The following CALU variants were observed in gnomAD, a reference collection of about 807,000 sequenced individuals.
The protein encoded by CALU is IEF SSP 9302.
A neutral mutation model predicts 37.5 loss-of-function variants in CALU; 13 were observed. The observed-to-expected ratio is 0.35, with a 90% confidence interval of 0.23 to 0.55. The LOEUF (loss-of-function observed/expected upper bound fraction) is 0.55, where lower values mean the gene tolerates loss of function less well. Ranked by LOEUF, CALU falls within the 20% of genes least tolerant of loss-of-function variation. The pLI is 0.89. For synonymous variants in CALU, 114 were observed against 133.8 expected, an observed-to-expected ratio of 0.85 and a Z score of 1.02; for missense variants, 282 against 391.7, an observed-to-expected ratio of 0.72 and a Z score of 2.36.
At chr7:128,748,027 T>TTG (rs1206095965) in intron 1 of CALU, 1 of 210,144 alleles carries the variant, frequency 4.8e-6, no homozygotes, top group Non-Finnish European at 9.4e-6. Context: ...AGCTGCCAAG[T>TTG]ATTTCGCTGG....
chr7:128,754,716 T>TA (rs1201617375), intron 3 of CALU: 37 of 1,548,814 alleles, frequency 2.4e-5, no homozygotes, highest in Non-Finnish European at 3.2e-5. Flanking sequence ...TTATGGCACT[T>TA]ACCTGGGTAA....
At chr7:128,750,235 AAAAAAG>A (rs61535354) in intron 2 of CALU, among the ~76,000 whole-genome samples, 34,023 of 141,856 alleles carry the variant, frequency 0.24, 4,500 homozygotes, top group Non-Finnish European at 0.34. Context: ...AAAAAAAAAA[AAAAAAG>A]AAAATAGAAA....
At chr7:128,767,769 G>A (rs1801393096) in intron 6 of CALU, 114 bp downstream of exon 6, 1 of 805,778 alleles carries the variant, frequency 1.2e-6, no homozygotes. Context: ...ATTAGTCTAA[G>A]TCAGCCAAGT....
intron 1 of CALU, among the ~76,000 whole-genome samples, chr7:128,746,347 A>G (rs1458815387): frequency 6.6e-6 from 1 of 151,902 alleles, no homozygotes; most frequent in Admixed American, 6.6e-5. Flanking sequence ...TAGTAGAGAC[A>G]GGGTTTCACC....
At chr7:128,754,740 A>T in intron 3 of CALU, 1 of 1,520,284 alleles carries the variant, frequency 6.6e-7, no homozygotes, top group South Asian at 1.2e-5. Context: ...GCAAGATGTC[A>T]GCCTGGCAGG....
chr7:128,758,802 T>G, intron 3 of CALU, 69 bp from the exon 4 acceptor site: 1 of 1,078,656 alleles, frequency 9.3e-7, no homozygotes, highest in Non-Finnish European at 1.4e-6. Flanking sequence ...GGAAATTGAT[T>G]TCCCACCCCA....
intron 1 of CALU, among the ~76,000 whole-genome samples, chr7:128,745,926 C>G (rs1800414743): frequency 6.6e-6 from 1 of 152,160 alleles, no homozygotes. Context: ...TGTCTCTTCT[C>G]CCATGAACCT....
At chr7:128,766,376 T>G (rs1177514852) in intron 5 of CALU, among the ~76,000 whole-genome samples, 3 of 152,016 alleles carry the variant, frequency 2.0e-5, no homozygotes, top group Non-Finnish European at 4.4e-5. Flanking sequence ...ATTTATTCAT[T>G]TTTTTTCAGG....
chr7:128,750,196 C>G (rs1176856303), intron 2 of CALU, among the ~76,000 whole-genome samples: 1 of 147,204 alleles, frequency 6.8e-6, no homozygotes, highest in Admixed American at 6.9e-5. Flanking sequence ...CCACTGCACT[C>G]CAGCCTGGGC....
chr7:128,743,762 C>T (rs1181831820), intron 1 of CALU, among the ~76,000 whole-genome samples: 1 of 152,090 alleles, frequency 6.6e-6, no homozygotes, highest in Non-Finnish European at 1.5e-5. Flanking sequence ...CCTTGGCCCT[C>T]CAAAGTGCTG....
At chr7:128,766,412 A>G (rs1006620893) in intron 5 of CALU, among the ~76,000 whole-genome samples, 1 of 143,468 alleles carries the variant, frequency 7.0e-6, no homozygotes. Context: ...GACTGACACT[A>G]GTATTTCTTT....
At chr7:128,761,953 T>C (rs534369545) in intron 5 of CALU, among the ~76,000 whole-genome samples, 4 of 152,354 alleles carry the variant, frequency 2.6e-5, no homozygotes, top group Non-Finnish European at 1.5e-5. Context: ...CTTGACTGTT[T>C]ACCTCCCTTT....
intron 5 of CALU, chr7:128,761,451 A>C (rs1801113763): frequency 6.6e-6 from 1 of 152,158 alleles, no homozygotes; most frequent in African/African-American, 2.4e-5. Flanking sequence ...ACCTCCTGGG[A>C]GCAGAGGATC....
Position 128,772,955 on chromosome 7 carries a change from G to A in CALU, c.*3788G>A, listed in dbSNP as rs545326925. Among the ~76,000 whole-genome samples, 10 of 152,298 alleles carry A rather than the reference G, an allele frequency of 6.6e-5. No individual in the cohort carries two copies. The East Asian group carries it at 1.5e-3, about 24-fold the overall frequency. On this transcript the variant is annotated 3_prime_UTR_variant, in exon 7 of 7. Transcript: ENST00000249364. The stretch of plus-strand genomic sequence containing the variant: ...AGAGGCCCCTCCATTACTAGCAGGT[G>A]CTCCCAGCTGGAAAGGACTGCCAAT...
chr7:128,756,604 G>A (rs1362204124), intron 3 of CALU, among the ~76,000 whole-genome samples: 1 of 152,080 alleles, frequency 6.6e-6, no homozygotes, highest in Non-Finnish European at 1.5e-5. Flanking sequence ...ATGAGAGAAA[G>A]GTTAACACTG....
At chr7:128,754,864 T>C (rs1024762776) in intron 3 of CALU, 6 of 431,208 alleles carry the variant, frequency 1.4e-5, no homozygotes, top group African/African-American at 1.2e-4. Flanking sequence ...TTTAAATTTG[T>C]ATATTATGTA....
At chr7:128,767,201 C>T (rs1801369833) in intron 5 of CALU, among the ~76,000 whole-genome samples, 4 of 152,240 alleles carry the variant, frequency 2.6e-5, no homozygotes, top group African/African-American at 9.6e-5. Context: ...CTTATTTCTG[C>T]ATTTATTAAG....
intron 2 of CALU, among the ~76,000 whole-genome samples, chr7:128,752,746 G>A (rs886586597): frequency 2.6e-5 from 4 of 152,094 alleles, no homozygotes; most frequent in Admixed American, 1.3e-4. Flanking sequence ...GTGCAGTGGC[G>A]CGATCTCAAC....
At chr7:128,754,137 G>T in intron 2 of CALU, 125 bp from the exon 3 acceptor site, 5 of 687,968 alleles carry the variant, frequency 7.3e-6, no homozygotes, top group Admixed American at 3.0e-5. Flanking sequence ...TCAGTTGCTG[G>T]CCTGGCAGTT....
Sources: gnomAD v4.1 joint callset for allele counts (sites outside exome capture counted in the v4.1 genomes callset) on GRCh38, gnomAD v4.1.1 for gene constraint, MANE v1.5 for transcripts, NCBI Gene and HGNC (gene_info 2026-07-23, HGNC 2026-07-21) for gene names.